FLYWCH1: variants seen among roughly 807,000 people sequenced by gnomAD.
FLYWCH1 encodes FLYWCH-type zinc finger 1, also known as FLYWCH-type zinc finger-containing protein 1.
In FLYWCH1, 75 loss-of-function variants were observed where a neutral mutation model predicts 66.4. That is an observed-to-expected ratio of 1.13 (90% CI 0.94 to 1.37). The LOEUF is 1.37. FLYWCH1 is among the 40% of genes most tolerant of loss of function. FLYWCH1 has a pLI of 0.00. For missense variants in FLYWCH1, 1,334 were observed against 1,001.8 expected, an observed-to-expected ratio of 1.33 and a Z score of -4.48; for synonymous variants, 595 against 429.9, an observed-to-expected ratio of 1.38 and a Z score of -4.75.
chr16:2,934,110 A>T (rs974517109), intron 6 of FLYWCH1, 131 bp downstream of exon 6: 1 of 1,184,812 alleles, frequency 8.4e-7, no homozygotes, highest in Non-Finnish European at 1.1e-6. Flanking sequence ...AGAAGGAACT[A>T]TGGCCCTGGC....
chr16:2,916,980 TAAAA>T (rs56875032), intron 2 of FLYWCH1, among the ~76,000 whole-genome samples: 2 of 135,906 alleles, frequency 1.5e-5, no homozygotes, highest in Admixed American at 7.4e-5. Context: ...CCATCTCTAG[TAAAA>T]AAAAAAAAAA....
At chr16:2,948,644 C>T (rs575647732) in intron 9 of FLYWCH1, 44 bp from the exon 10 acceptor site, 7 of 1,597,070 alleles carry the variant, frequency 4.4e-6, no homozygotes, top group Non-Finnish European at 6.0e-6. Context: ...CTATTTCCAC[C>T]ATGTTTTGAT....
In FLYWCH1 at chr16:2,937,807, A is replaced by G. The variant is rs144186115; in HGVS notation, c.1778-377A>G. 3.1e-3 allele frequency among the ~76,000 whole-genome samples: 414 copies of G among 131,462 alleles called. 1 individual carries two copies. The highest frequency in any genetic ancestry group is 0.012 in the African/African-American group (398 of 32,996). 86.2% of individuals were successfully genotyped at this position (131,462 alleles called of 152,430 possible). On this transcript the variant is annotated intron_variant, in intron 7 of 9. Transcript: ENST00000253928. Reference sequence around the variant, plus strand: ...CTTTTAGTTCAGCTTGTTAAAAGTCAGCTGCCAGCTGGCTGAGGGGTAGGT... The same window carrying G: ...CTTTTAGTTCAGCTTGTTAAAAGTCGGCTGCCAGCTGGCTGAGGGGTAGGT...
intron 7 of FLYWCH1, 145 bp from the exon 8 acceptor site, chr16:2,938,039 G>GAGGGGA: frequency 3.8e-6 from 3 of 784,254 alleles, no homozygotes; most frequent in Non-Finnish European, 4.0e-6. Flanking sequence ...GCAGGGCCCA[G>GAGGGGA]AGGGGAGGAG....
intron 2 of FLYWCH1, among the ~76,000 whole-genome samples, chr16:2,922,134 T>C (rs2070395273): frequency 6.6e-6 from 1 of 152,178 alleles, no homozygotes; most frequent in East Asian, 1.9e-4. Context: ...GCGGGATAAC[T>C]TTAGTTACTA....
chr16:2,944,248 C>A (rs2071388464), intron 9 of FLYWCH1, among the ~76,000 whole-genome samples: 1 of 149,612 alleles, frequency 6.7e-6, no homozygotes, highest in Admixed American at 6.7e-5. Context: ...CCAGGCTTGG[C>A]TACAGGTACA....
chr16:2,943,633 C>T (rs1297943898), intron 9 of FLYWCH1: 1 of 152,066 alleles, frequency 6.6e-6, no homozygotes, highest in Non-Finnish European at 1.5e-5. Context: ...TCAAGAGCAT[C>T]CGTGAAAACC....
chr16:2,915,086 T>C (rs2070123251), intron 2 of FLYWCH1: 1 of 151,708 alleles, frequency 6.6e-6, no homozygotes, highest in Non-Finnish European at 1.5e-5. Flanking sequence ...TTATTGAATT[T>C]ATTAAATAAT....
chr16:2,939,960 G>A (rs1273498605), intron 8 of FLYWCH1, 72 bp from the exon 9 acceptor site: 2 of 1,530,200 alleles, frequency 1.3e-6, no homozygotes, highest in East Asian at 4.9e-5. Flanking sequence ...TTAACAAGGT[G>A]TGTGTCCTTG....
intron 6 of FLYWCH1, chr16:2,936,250 C>T (rs1036875260): frequency 2.1e-5 from 8 of 376,214 alleles, no homozygotes; most frequent in South Asian, 5.8e-5. Flanking sequence ...GGGGATAAAG[C>T]GTGCCCCATG....
At chr16:2,912,244 G>A (rs1230121182) in intron 1 of FLYWCH1, 90 bp downstream of exon 1, 2 of 152,366 alleles carry the variant, frequency 1.3e-5, no homozygotes, top group Non-Finnish European at 2.9e-5. Flanking sequence ...CCCGAGGGTT[G>A]CGGGTGCTGG....
At chr16:2,923,435 C>T (rs556021827) in intron 2 of FLYWCH1, among the ~76,000 whole-genome samples, 11 of 152,098 alleles carry the variant, frequency 7.2e-5, no homozygotes, top group East Asian at 3.9e-4. Context: ...TTAGTAGAGA[C>T]GGGCTTGCCT....
At chr16:2,938,800 G>C (rs556332161) in intron 8 of FLYWCH1, among the ~76,000 whole-genome samples, 146 of 151,464 alleles carry the variant, frequency 9.6e-4, no homozygotes, top group African/African-American at 3.4e-3. Flanking sequence ...TTTTAGTAGA[G>C]ACGGGGTTTC....
intron 9 of FLYWCH1, 55 bp downstream of exon 9, chr16:2,940,147 G>A (rs2071202568): frequency 9.5e-6 from 8 of 840,274 alleles, no homozygotes; most frequent in Admixed American, 2.0e-5. Flanking sequence ...AACGTAGTGG[G>A]CTTAAAACAA....
At chr16:2,912,345 C>T (rs867955007) in intron 1 of FLYWCH1, among the ~76,000 whole-genome samples, 191 bp downstream of exon 1, 6 of 149,416 alleles carry the variant, frequency 4.0e-5, no homozygotes. Flanking sequence ...CCCACCCCCC[C>T]GTCCCCTGGC....
chr16:2,946,632 T>TA (rs2071498213), intron 9 of FLYWCH1, among the ~76,000 whole-genome samples: 1 of 151,876 alleles, frequency 6.6e-6, no homozygotes. Context: ...CCAGAATTCT[T>TA]ACAACAATGA....
At chr16:2,917,632 A>T (rs2070217573) in intron 2 of FLYWCH1, among the ~76,000 whole-genome samples, 1 of 152,152 alleles carries the variant, frequency 6.6e-6, no homozygotes, top group Non-Finnish European at 1.5e-5. Flanking sequence ...CCCAGCACAA[A>T]GCAAACCTCA....
At chr16:2,934,550 G>A (rs934419048) in intron 6 of FLYWCH1, 35 of 438,542 alleles carry the variant, frequency 8.0e-5, no homozygotes, top group African/African-American at 4.5e-4. Flanking sequence ...TCCCCATAGC[G>A]TCTGGCTGAG....
chr16:2,925,280 C>T (rs1430007711), intron 2 of FLYWCH1, among the ~76,000 whole-genome samples: 1 of 152,192 alleles, frequency 6.6e-6, no homozygotes, highest in African/African-American at 2.4e-5. Flanking sequence ...CTCGCGGGAC[C>T]TGGGCTGGGG....
Sources: allele counts gnomAD v4.1 joint callset (sites outside exome capture counted in the v4.1 genomes callset), GRCh38; gene constraint gnomAD v4.1.1; transcripts MANE v1.5; gene names NCBI Gene and HGNC (gene_info 2026-07-23, HGNC 2026-07-21).